The following TBCK variants were observed in gnomAD, a reference collection of about 807,000 sequenced individuals.
The protein encoded by TBCK is TBC1 domain containing kinase, also known as TBC domain-containing protein kinase-like protein.
A neutral mutation model predicts 113.4 loss-of-function variants in TBCK; 99 were observed. The observed-to-expected ratio is 0.87, with a 90% CI of 0.74 to 1.03. The LOEUF (loss-of-function observed/expected upper bound fraction) is 1.03. Ranked by LOEUF, TBCK falls within the 50% of genes least tolerant of loss-of-function variation. The probability of loss-of-function intolerance (pLI) is 0.00; values close to 1 mark genes in which losing one functional copy is unlikely to be tolerated. For synonymous variants in TBCK, 369 were observed against 370.8 expected, an observed-to-expected ratio of 1.00 and a Z score of 0.05; for missense variants, 1,045 against 1,061.3, an observed-to-expected ratio of 0.98 and a Z score of 0.21.
intron 25 of TBCK, among the ~76,000 whole-genome samples, chr4:106,076,968 G>T (rs1172980483): frequency 6.6e-6 from 1 of 152,088 alleles, no homozygotes; most frequent in Non-Finnish European, 1.5e-5. Context: ...CCCAGGTGTG[G>T]TGACATGCAC....
chr4:106,126,754 A>G (rs1341513182), intron 23 of TBCK, among the ~76,000 whole-genome samples: 1 of 152,234 alleles, frequency 6.6e-6, no homozygotes, highest in South Asian at 2.1e-4. Context: ...AAGTCATCAC[A>G]TGCTCTCTGG....
intron 25 of TBCK, among the ~76,000 whole-genome samples, chr4:106,083,782 C>T (rs1227342777): frequency 6.6e-6 from 1 of 152,104 alleles, no homozygotes; most frequent in Non-Finnish European, 1.5e-5. Context: ...CATCTCCAGG[C>T]ACAGGAGCAA....
At chr4:106,271,544 G>C (rs56775039) in intron 3 of TBCK, among the ~76,000 whole-genome samples, 20,576 of 151,982 alleles carry the variant, frequency 0.14, 1,651 homozygotes, top group South Asian at 0.24. Context: ...CTGAGGTCAG[G>C]AGTTCCAGAC....
At chr4:106,247,600 A>G (rs2150051742) in intron 9 of TBCK, 1 of 195,162 alleles carries the variant, frequency 5.1e-6, no homozygotes, top group Admixed American at 6.2e-5. Flanking sequence ...ATCTTAAATA[A>G]TTAAATAATA....
chr4:106,257,407 T>C (rs1046583802), intron 5 of TBCK, among the ~76,000 whole-genome samples: 1 of 152,196 alleles, frequency 6.6e-6, no homozygotes, highest in Non-Finnish European at 1.5e-5. Context: ...ATATTATTTC[T>C]ATTTTTCTTC....
At chr4:106,186,045 C>A (rs1455321416) in intron 22 of TBCK, among the ~76,000 whole-genome samples, 1 of 152,098 alleles carries the variant, frequency 6.6e-6, no homozygotes, top group Non-Finnish European at 1.5e-5. Flanking sequence ...ATCCATATTG[C>A]TGCAAAGGGC....
At chr4:106,152,374 G>C (rs1028002154) in intron 23 of TBCK, among the ~76,000 whole-genome samples, 1 of 151,904 alleles carries the variant, frequency 6.6e-6, no homozygotes, top group Admixed American at 6.6e-5. Flanking sequence ...CTATTGATAT[G>C]ACATAACACA....
rs117484922 is a variant in TBCK at position 106,144,543 on chromosome 4, C to T, written c.2235+26552G>A. 9.7e-3 allele frequency among the ~76,000 whole-genome samples: 1,472 copies of T among 152,192 alleles called. 50 individuals are homozygous for T. The highest frequency in any genetic ancestry group is 0.076 in the Admixed American group (1,159 of 15,280). ...AGCTGAAGTGTTGAAAAGTGCCTGG[C>T]ACATGGTAGGTGTACAATAAATGCT... On this transcript the variant is annotated intron_variant, in intron 23 of 25. Transcript: ENST00000394708.
chr4:106,072,043 T>G (rs994988209), intron 25 of TBCK, among the ~76,000 whole-genome samples: 1 of 152,224 alleles, frequency 6.6e-6, no homozygotes, highest in Admixed American at 6.5e-5. Flanking sequence ...TATTGACTCT[T>G]TATCCAATTT....
intron 3 of TBCK, among the ~76,000 whole-genome samples, chr4:106,269,766 G>A (rs1763309290): frequency 6.6e-6 from 1 of 152,088 alleles, no homozygotes; most frequent in Non-Finnish European, 1.5e-5. Flanking sequence ...TGTAAGTCTG[G>A]AATGTGTCTA....
chr4:106,158,636 G>A (rs1749395147), intron 23 of TBCK, among the ~76,000 whole-genome samples: 2 of 152,058 alleles, frequency 1.3e-5, no homozygotes, highest in African/African-American at 4.8e-5. Flanking sequence ...TCTAGTACTA[G>A]CAGGGAAATT....
chr4:106,288,211 C>T (rs764476083), intron 3 of TBCK, among the ~76,000 whole-genome samples: 5 of 151,496 alleles, frequency 3.3e-5, no homozygotes, highest in Non-Finnish European at 5.9e-5. Context: ...CTGGGCAACA[C>T]GGTGCAACCC....
At chr4:106,225,984 A>C (rs1323467546) in intron 19 of TBCK, among the ~76,000 whole-genome samples, 1 of 151,960 alleles carries the variant, frequency 6.6e-6, no homozygotes, top group African/African-American at 2.4e-5. Context: ...GAACATGGCC[A>C]AACTCTTATC....
rs555231568 is a variant in TBCK, at chr4:106,088,676, A to G, written c.2571+6806T>C. ...ATTTATTGCAGCACTATTTATGCCC[A>G]TCAATGATAGACTGGATAAAGAAAA... On this transcript the variant is annotated intron_variant, in intron 25 of 25. Transcript: ENST00000394708. Among the ~76,000 whole-genome samples, 22 of 152,138 alleles carry G rather than the reference A, an allele frequency of 1.4e-4. No individual in the cohort carries two copies. The South Asian group carries it at 4.6e-3, about 32-fold the overall frequency.
chr4:106,048,043 G>C (rs1001808217), intron 25 of TBCK, among the ~76,000 whole-genome samples: 1 of 152,016 alleles, frequency 6.6e-6, no homozygotes, highest in Admixed American at 6.6e-5. Context: ...CAAAAGAATG[G>C]GCTGAGTGGT....
intron 1 of TBCK, among the ~76,000 whole-genome samples, chr4:106,315,114 G>C (rs1187462467): frequency 6.6e-6 from 1 of 151,994 alleles, no homozygotes; most frequent in African/African-American, 2.4e-5. Flanking sequence ...CTTACACCTC[G>C]TGAGTGGAAG....
chr4:106,193,357 G>GA (rs1753865037), intron 22 of TBCK, among the ~76,000 whole-genome samples: 1 of 151,970 alleles, frequency 6.6e-6, no homozygotes, highest in Non-Finnish European at 1.5e-5. Flanking sequence ...CAACTTCCTG[G>GA]CATTTTACCC....
chr4:106,050,144 CATA>C (rs1734650657), intron 25 of TBCK, among the ~76,000 whole-genome samples: 1 of 151,938 alleles, frequency 6.6e-6, no homozygotes, highest in Non-Finnish European at 1.5e-5. Flanking sequence ...AGGGAGATTT[CATA>C]ATGATAAAAA....
At chr4:106,288,348 C>T (rs550750709) in intron 3 of TBCK, among the ~76,000 whole-genome samples, 4 of 151,830 alleles carry the variant, frequency 2.6e-5, no homozygotes, top group African/African-American at 9.7e-5. Context: ...GAGCTGAGAT[C>T]GTACCACCGC....
Sources: allele counts gnomAD v4.1 joint callset (sites outside exome capture counted in the v4.1 genomes callset), GRCh38; gene constraint gnomAD v4.1.1; transcripts MANE v1.5; gene names NCBI Gene and HGNC (gene_info 2026-07-23, HGNC 2026-07-21).